PTPRQ: variants seen among roughly 807,000 people sequenced by gnomAD.
The protein encoded by PTPRQ is protein tyrosine phosphatase receptor type Q.
Under a neutral mutation model 246.0 loss-of-function variants are expected in PTPRQ, and 199 were observed. The observed-to-expected ratio is 0.81, with a 90% confidence interval of 0.72 to 0.91. The LOEUF (loss-of-function observed/expected upper bound fraction) is 0.91, where lower values mean the gene tolerates loss of function less well. Among genes scored for constraint, PTPRQ ranks in the 40% least tolerant of loss-of-function variants. PTPRQ has a pLI of 0.00. For synonymous variants in PTPRQ, 869 were observed against 853.2 expected (o/e 1.02, Z -0.32); for missense variants, 2,624 against 2,528.4 (o/e 1.04, Z -0.81).
chr12:80,654,402 G>T (rs983716067), intron 38 of PTPRQ, among the ~76,000 whole-genome samples: 1 of 152,176 alleles, frequency 6.6e-6, no homozygotes, highest in African/African-American at 2.4e-5. Context: ...AAGTATAAAA[G>T]TTATGGACAT....
intron 26 of PTPRQ, among the ~76,000 whole-genome samples, chr12:80,589,777 A>G (rs1897731897): frequency 1.3e-5 from 2 of 151,876 alleles, no homozygotes; most frequent in African/African-American, 4.8e-5. Flanking sequence ...TGGTTTCTGT[A>G]AGATCTACCC....
intron 26 of PTPRQ, among the ~76,000 whole-genome samples, chr12:80,598,239 A>G (rs1462827259): frequency 1.3e-5 from 2 of 151,918 alleles, no homozygotes; most frequent in African/African-American, 2.4e-5. Context: ...TAGGAAATCT[A>G]ATTAGAAAAC....
At position 80,559,091 on chromosome 12, in the gene PTPRQ, G is replaced by T. The variant is rs182802263; in HGVS notation, c.4285+9357G>T. ...ACGGAGTCTCGCTCTGTCGCCCGGGGTGGAGTGCAGTGGCGCAATCTCAGC... is the reference window on the plus strand; with the variant it reads ...ACGGAGTCTCGCTCTGTCGCCCGGGTTGGAGTGCAGTGGCGCAATCTCAGC... On this transcript the variant is annotated intron_variant, in intron 25 of 44. Transcript: ENST00000644991. Among the ~76,000 whole-genome samples the T allele has an allele frequency of 4.6e-3, 699 of 152,174 alleles. 4 individuals carry two copies. Among genetic ancestry groups the T allele is most frequent in the Middle Eastern group, 0.02 (6 of 294 alleles).
At chr12:80,463,876 A>G (rs1453377769) in intron 6 of PTPRQ, among the ~76,000 whole-genome samples, 2 of 151,604 alleles carry the variant, frequency 1.3e-5, no homozygotes, top group African/African-American at 4.9e-5. Flanking sequence ...AGCACTAAAC[A>G]TGGAAAGGAA....
chr12:80,562,636 G>T (rs1565788035), intron 25 of PTPRQ, among the ~76,000 whole-genome samples: 1 of 151,958 alleles, frequency 6.6e-6, no homozygotes, highest in Non-Finnish European at 1.5e-5. Context: ...TCAGTGAAAA[G>T]AAAGAAATTT....
chr12:80,528,148 A>C (rs1895744440), intron 17 of PTPRQ, among the ~76,000 whole-genome samples: 2 of 152,186 alleles, frequency 1.3e-5, no homozygotes, highest in South Asian at 4.1e-4. Flanking sequence ...ATAAATTTCA[A>C]ATGGATGAAA....
chr12:80,493,279 T>C lies in PTPRQ; in HGVS notation c.1364T>C (p.Ile455Thr), dbSNP rs998204040. The C allele has an allele frequency of 1.2e-5, 18 of 1,524,212 alleles. No individual in the cohort carries two copies. Among genetic ancestry groups the C allele is most frequent in the Non-Finnish European group, 1.6e-5 (18 of 1,135,254 alleles). The allele number at this position is 1,524,212 out of a possible 1,614,324, so 94.4% of individuals were successfully genotyped here. Residue 455 changes from isoleucine (I) to threonine (T), a missense_variant, in exon 10 of 45, where the codon ATA becomes ACA. By Grantham distance (89) the Ile-to-Thr change is moderately conservative (BLOSUM62 -1). Transcript: ENST00000644991. ...NTLLTGNNEY[I>T]NDPMAPEIVN... is the part of the protein sequence containing the mutation. ...AATATCTACTTTTAATTACAGTATA[T>C]AAATGACCCCATGGCTCCAGAAATT...
rs1054191435 is a variant in PTPRQ, at chr12:80,579,900, A to G, written c.4286-8229A>G. 2.0e-4 allele frequency among the ~76,000 whole-genome samples: 30 copies of G among 152,310 alleles called. No homozygotes were observed. The East Asian group carries it at 5.8e-3, about 29-fold the overall frequency. On this transcript the variant is annotated intron_variant, in intron 25 of 44. Transcript: ENST00000644991. ...TTTGTATGTTTTATAAATATAATTCACAAATATAACTTTTCAGACATCTGT... is the reference window on the plus strand; with the variant it reads ...TTTGTATGTTTTATAAATATAATTCGCAAATATAACTTTTCAGACATCTGT...
At chr12:80,571,532 C>G (rs185953281) in intron 25 of PTPRQ, among the ~76,000 whole-genome samples, 14 of 152,134 alleles carry the variant, frequency 9.2e-5, no homozygotes, top group Non-Finnish European at 2.1e-4. Flanking sequence ...CATAATCAGA[C>G]GAGTTTAATT....
intron 27 of PTPRQ, among the ~76,000 whole-genome samples, chr12:80,608,498 G>A (rs181378689): frequency 5.0e-4 from 73 of 147,290 alleles, no homozygotes; most frequent in Non-Finnish European, 7.9e-4. Context: ...CATATTTTGC[G>A]ACTTGATATT....
chr12:80,660,867 A>G (rs1900605559), intron 39 of PTPRQ, among the ~76,000 whole-genome samples: 1 of 151,974 alleles, frequency 6.6e-6, no homozygotes, highest in African/African-American at 2.4e-5. Flanking sequence ...ATCCCTCCAA[A>G]CTTTGTATAT....
rs528789493 is a variant in PTPRQ, at chr12:80,611,928, T to C, written c.4918+1303T>C. ...ATTTTTCCATTTAAAATGAAATATT[T>C]GACACAATAGTACGTTTATCTGCTT... On this transcript the variant is annotated intron_variant, in intron 28 of 44. Coordinates refer to ENST00000644991, the MANE Select transcript of PTPRQ (RefSeq NM_001145026.2). Among the ~76,000 whole-genome samples, 3 of 150,634 alleles carry C rather than the reference T, an allele frequency of 2.0e-5. No individual in the cohort carries two copies. The South Asian group carries it at 6.2e-4, about 31-fold the overall frequency.
Position 80,503,270 on chromosome 12 carries a change from A to G in PTPRQ, c.2273-2754A>G, listed in dbSNP as rs79501230. Among the ~76,000 whole-genome samples the G allele has an allele frequency of 4.5e-4, 68 of 152,004 alleles. 1 individual carries two copies. The highest frequency in any genetic ancestry group is 3.4e-3 in the Middle Eastern group (1 of 294). ...GGGTAGTTGTTGAGGATTTTCCTCA[A>G]TGTAATGGGTTGGCCTGGGGAAACA... On this transcript the variant is annotated intron_variant, in intron 14 of 44. Transcript: ENST00000644991.
intron 3 of PTPRQ, among the ~76,000 whole-genome samples, chr12:80,452,750 G>C (rs1892812868): frequency 6.6e-6 from 1 of 152,158 alleles, no homozygotes; most frequent in Non-Finnish European, 1.5e-5. Flanking sequence ...TAGTCTAATA[G>C]GCTTCCCTTT....
At chr12:80,659,466 T>G (rs1280798374) in intron 39 of PTPRQ, among the ~76,000 whole-genome samples, 1 of 152,114 alleles carries the variant, frequency 6.6e-6, no homozygotes, top group Non-Finnish European at 1.5e-5. Flanking sequence ...GACCTATTGA[T>G]TTGTATCATT....
intron 37 of PTPRQ, among the ~76,000 whole-genome samples, chr12:80,651,277 G>GT (rs1900249551): frequency 6.6e-6 from 1 of 152,068 alleles, no homozygotes; most frequent in South Asian, 2.1e-4. Flanking sequence ...TCATATTATG[G>GT]TAAGAACTGC....
At chr12:80,549,779 T>C (rs1306800957) in intron 25 of PTPRQ, 45 bp downstream of exon 25, 6 of 1,492,890 alleles carry the variant, frequency 4.0e-6, no homozygotes, top group Admixed American at 2.3e-5. Flanking sequence ...CTTTAACTAT[T>C]TGGGGATTGT....
At chr12:80,536,850 A>T (rs1004928603) in intron 19 of PTPRQ, among the ~76,000 whole-genome samples, 1 of 152,350 alleles carries the variant, frequency 6.6e-6, no homozygotes, top group African/African-American at 2.4e-5. Context: ...CATTTAAAAA[A>T]CATTGCACAA....
intron 26 of PTPRQ, among the ~76,000 whole-genome samples, chr12:80,590,689 A>C (rs1897769511): frequency 2.0e-5 from 3 of 150,646 alleles, no homozygotes; most frequent in South Asian, 4.2e-4. Context: ...AAAAAAAAAA[A>C]AACTATCCAA....
Sources: allele counts gnomAD v4.1 joint callset (sites outside exome capture counted in the v4.1 genomes callset), GRCh38; gene constraint gnomAD v4.1.1; transcripts MANE v1.5; gene names NCBI Gene and HGNC (gene_info 2026-07-23, HGNC 2026-07-21).